CDH8: variants seen among roughly 807,000 people sequenced by gnomAD.
The protein encoded by CDH8 is cadherin 8, also known as cadherin-8.
CDH8 carries 17 observed loss-of-function variants against 68.1 expected under a neutral mutation model. The ratio of observed to expected loss-of-function variants is 0.25; its 90% CI spans 0.17 to 0.37. The LOEUF (loss-of-function observed/expected upper bound fraction) is 0.37, where lower values mean the gene tolerates loss of function less well. Ranked by LOEUF, CDH8 falls within the 10% of genes least tolerant of loss-of-function variation. The probability of loss-of-function intolerance (pLI) is 1.00; values close to 1 mark genes in which losing one functional copy is unlikely to be tolerated. For synonymous variants in CDH8, 372 were observed against 365.1 expected (o/e 1.02, Z -0.21); for missense variants, 763 against 999.3 (o/e 0.76, Z 3.19).
chr16:61,834,987 A>C (rs1962537686), intron 4 of CDH8, among the ~76,000 whole-genome samples: 1 of 151,940 alleles, frequency 6.6e-6, no homozygotes. Context: ...CATGTCTGAT[A>C]AAAAGAATGT....
At chr16:61,920,326 A>G (rs1172157264) in intron 2 of CDH8, among the ~76,000 whole-genome samples, 1 of 139,044 alleles carries the variant, frequency 7.2e-6, no homozygotes, top group East Asian at 2.2e-4. Context: ...AACCTACAAA[A>G]TGGGAGAAAA....
At chr16:61,892,215 T>C (rs1008794723) in intron 3 of CDH8, among the ~76,000 whole-genome samples, 1 of 152,328 alleles carries the variant, frequency 6.6e-6, no homozygotes, top group East Asian at 1.9e-4. Context: ...CAAATTTTAC[T>C]ATTTAGCTGC....
intron 8 of CDH8, among the ~76,000 whole-genome samples, chr16:61,755,232 A>T (rs1311913332): frequency 6.6e-6 from 1 of 152,168 alleles, no homozygotes; most frequent in Non-Finnish European, 1.5e-5. Flanking sequence ...TTTGTCAGTA[A>T]GGGAGTATTA....
At chr16:61,660,273 C>T (rs1022823344) in intron 10 of CDH8, among the ~76,000 whole-genome samples, 4 of 150,650 alleles carry the variant, frequency 2.7e-5, no homozygotes, top group African/African-American at 9.7e-5. Context: ...TGACCCACAG[C>T]AGAAAAACAG....
intron 8 of CDH8, among the ~76,000 whole-genome samples, chr16:61,780,947 G>T (rs921171524): frequency 2.6e-5 from 4 of 152,090 alleles, no homozygotes; most frequent in Non-Finnish European, 1.5e-5. Flanking sequence ...ATCCTTGTTT[G>T]TTCTAAGAAA....
At chr16:61,888,221 T>C (rs1478425490) in intron 3 of CDH8, among the ~76,000 whole-genome samples, 2 of 152,182 alleles carry the variant, frequency 1.3e-5, no homozygotes, top group Non-Finnish European at 2.9e-5. Context: ...TGTGACTCTC[T>C]GTGACAAAGG....
At chr16:61,917,452 T>C (rs1434963170) in intron 2 of CDH8, among the ~76,000 whole-genome samples, 1 of 152,134 alleles carries the variant, frequency 6.6e-6, no homozygotes, top group Non-Finnish European at 1.5e-5. Context: ...GTGTGTCCTG[T>C]TCCCCAGGTT....
chr16:61,923,158 C>T (rs1280430407), intron 2 of CDH8, among the ~76,000 whole-genome samples: 1 of 152,116 alleles, frequency 6.6e-6, no homozygotes, highest in Admixed American at 6.5e-5. Context: ...TGTATCAATG[C>T]TGTCTTATAC....
chr16:61,674,944 C>CAAAAAAAAAAAAAAAAAAAAAAAAAA (rs576278729), intron 10 of CDH8, among the ~76,000 whole-genome samples: 1 of 95,510 alleles, frequency 1.0e-5, no homozygotes. Context: ...GAACAGAAAG[C>CAAAAAAAAAAAAAAAAAAAAAAAAAA]AAAAAAAAAA....
intron 3 of CDH8, among the ~76,000 whole-genome samples, chr16:61,879,733 G>A (rs1963533586): frequency 6.6e-6 from 1 of 152,078 alleles, no homozygotes; most frequent in South Asian, 2.1e-4. Context: ...CATATTTGCT[G>A]AGATGTCTGC....
chr16:61,843,329 G>T (rs1962728020), intron 4 of CDH8, among the ~76,000 whole-genome samples: 1 of 152,178 alleles, frequency 6.6e-6, no homozygotes, highest in South Asian at 2.1e-4. Context: ...TCTCACTTTG[G>T]CAGGAAAGGA....
At chr16:61,943,004 G>A (rs565777372) in intron 2 of CDH8, among the ~76,000 whole-genome samples, 35 of 152,324 alleles carry the variant, frequency 2.3e-4, no homozygotes, top group African/African-American at 8.2e-4. Context: ...AGGTTGCAGT[G>A]AGCTGAGATG....
intron 2 of CDH8, among the ~76,000 whole-genome samples, chr16:61,909,725 T>C (rs1964126570): frequency 6.6e-6 from 1 of 152,202 alleles, no homozygotes; most frequent in Admixed American, 6.5e-5. Context: ...TTAGAAGCCA[T>C]GTGTATGAAA....
At position 61,859,428 on chromosome 16, in the gene CDH8, A is replaced by G. The variant is rs551496369; in HGVS notation, c.548-2190T>C. Among the ~76,000 whole-genome samples, 12 of 152,284 alleles carry G rather than the reference A, an allele frequency of 7.9e-5. No homozygotes were observed. The South Asian group carries it at 2.5e-3, about 32-fold the overall frequency. On this transcript the variant is annotated intron_variant, in intron 3 of 11. Transcript: ENST00000577390. ...CTGGACATGAAATTAAGAAGAAAAT[A>G]TAGGGGAATTTTCATGCCAAGATGG...
intron 3 of CDH8, among the ~76,000 whole-genome samples, chr16:61,877,904 T>C (rs922701293): frequency 6.6e-6 from 1 of 151,970 alleles, no homozygotes; most frequent in Non-Finnish European, 1.5e-5. Flanking sequence ...AAAAAGAAAT[T>C]GAATGAAGCT....
chr16:61,836,372 C>T (rs1962569158), intron 4 of CDH8, among the ~76,000 whole-genome samples: 1 of 151,966 alleles, frequency 6.6e-6, no homozygotes, highest in Non-Finnish European at 1.5e-5. Context: ...CACATGAAGA[C>T]AGCACTTACC....
intron 10 of CDH8, among the ~76,000 whole-genome samples, chr16:61,662,453 G>T (rs1963587196): frequency 1.3e-5 from 2 of 151,548 alleles, no homozygotes; most frequent in Non-Finnish European, 3.0e-5. Context: ...GAGAGGAAAT[G>T]ATCACTGAAT....
intron 2 of CDH8, among the ~76,000 whole-genome samples, chr16:61,944,483 T>G (rs1425913553): frequency 2.6e-5 from 4 of 152,248 alleles, no homozygotes; most frequent in Non-Finnish European, 5.9e-5. Flanking sequence ...CTGTATTGAT[T>G]ATTAGCTGAA....
In CDH8 at chr16:62,021,503, C is replaced by T; in HGVS notation, c.-100G>A. On this transcript the variant is annotated 5_prime_UTR_variant, in exon 2 of 12. Coordinates refer to ENST00000577390, the MANE Select transcript of CDH8 (RefSeq NM_001796.5). ...TTCATCATGCAGTGCCGAGCATTTA[C>T]TTACAGCTCTGCCACGTGTCTATAG... The T allele has an allele frequency of 6.6e-7, 1 of 1,509,366 alleles. No individual in the cohort carries two copies. Among genetic ancestry groups the T allele is most frequent in the Non-Finnish European group, 8.8e-7 (1 of 1,133,976 alleles). 93.5% of individuals were successfully genotyped at this position (1,509,366 alleles called of 1,614,324 possible).
Sources: gnomAD v4.1 joint callset for allele counts (sites outside exome capture counted in the v4.1 genomes callset) on GRCh38, gnomAD v4.1.1 for gene constraint, MANE v1.5 for transcripts, NCBI Gene and HGNC (gene_info 2026-07-23, HGNC 2026-07-21) for gene names.